The following MAPT variants were observed in gnomAD, a reference collection of about 807,000 sequenced individuals.
MAPT encodes the protein microtubule-associated protein tau.
Under a neutral mutation model 67.9 loss-of-function variants are expected in MAPT, and 34 were observed. The observed-to-expected ratio is 0.50, with a 90% CI of 0.38 to 0.67. MAPT has a LOEUF of 0.67. Ranked by LOEUF, MAPT falls within the 30% of genes least tolerant of loss-of-function variation. The pLI is 0.00. For synonymous variants in MAPT, 456 were observed against 464.5 expected (o/e 0.98, Z 0.23); for missense variants, 881 against 1,115.2 (o/e 0.79, Z 2.99).
At chr17:45,975,171 T>C (rs1288702650) in intron 3 of MAPT, 1 of 152,300 alleles carries the variant, frequency 6.6e-6, no homozygotes, top group Non-Finnish European at 1.5e-5. Flanking sequence ...CTTCATGTCT[T>C]CTTCACTGCA....
In MAPT at chr17:45,995,991, C is replaced by T. The variant is rs2074436561; in HGVS notation, c.1733-408C>T. On this transcript the variant is annotated intron_variant, in intron 8 of 12. Coordinates refer to ENST00000262410, the MANE Select transcript of MAPT (RefSeq NM_001377265.1). This position sits in a 1 kb window ranked among gnomAD's most constrained non-coding sequence, Gnocchi z 4.3. ...AAGCATATCTACCACCTCCTGGAGCCACGCTGGCCGCAGGGATTATAATTA... is the reference window on the plus strand; with the variant it reads ...AAGCATATCTACCACCTCCTGGAGCTACGCTGGCCGCAGGGATTATAATTA... Among the ~76,000 whole-genome samples, 2 of 152,170 alleles carry T rather than the reference C, an allele frequency of 1.3e-5. No homozygotes were observed. Among genetic ancestry groups the T allele is most frequent in the Admixed American group, 6.6e-5 (1 of 15,266 alleles).
intron 9 of MAPT, among the ~76,000 whole-genome samples, chr17:46,002,034 A>C (rs903878424): frequency 3.9e-5 from 6 of 152,252 alleles, no homozygotes; most frequent in Admixed American, 3.3e-4. Context: ...GGAGCTCTTC[A>C]GAGCAAAAGC....
intron 4 of MAPT, among the ~76,000 whole-genome samples, chr17:45,982,122 G>A (rs1158760918): frequency 3.3e-5 from 5 of 151,200 alleles, no homozygotes; most frequent in Non-Finnish European, 5.9e-5. Context: ...AGGAGATCAA[G>A]ACTATCCTGG....
intron 1 of MAPT, among the ~76,000 whole-genome samples, 180 bp from the exon 2 acceptor site, chr17:45,962,141 A>G (rs569555939): frequency 6.6e-6 from 1 of 152,262 alleles, no homozygotes; most frequent in African/African-American, 2.4e-5. Flanking sequence ...ATAGATGTAA[A>G]TAACGCTTGG....
intron 4 of MAPT, chr17:45,978,726 C>T (rs188832980): frequency 1.3e-4 from 59 of 450,306 alleles, no homozygotes; most frequent in Non-Finnish European, 1.7e-4. Flanking sequence ...AACTCTAGGC[C>T]GGGCCTGGTG....
rs551056544 is a variant in MAPT at position 45,996,921 on chromosome 17, G to A, written c.1998+257G>A. On this transcript the variant is annotated intron_variant, in intron 9 of 12. Coordinates refer to ENST00000262410, the MANE Select transcript of MAPT (RefSeq NM_001377265.1). The surrounding 1 kb of genome is among the most constrained non-coding windows in gnomAD (Gnocchi z 4.5). The stretch of plus-strand genomic sequence containing the variant: ...GAGTGCCCTCCTCAGGCGAGAGAAC[G>A]TTCTGGCTCTTCTCTTGCCCCTTCA... Among the ~76,000 whole-genome samples the A allele has an allele frequency of 2.0e-5, 3 of 152,318 alleles. No homozygotes were observed. The highest frequency in any genetic ancestry group is 1.9e-4 in the East Asian group (1 of 5,168).
intron 1 of MAPT, among the ~76,000 whole-genome samples, chr17:45,950,629 C>T (rs1354384932): frequency 1.3e-5 from 2 of 152,026 alleles, no homozygotes; most frequent in East Asian, 3.9e-4. Context: ...TCCATATTGT[C>T]TAGTTCCCAT....
rs2074053719 is a variant in MAPT at position 45,991,520 on chromosome 17, G to A, written c.1666G>A (p.Gly556Ser). ...PRGAAPPGQK[G>S]QANATRIPAK... ...GGGAGCAGCCCCTCCAGGCCAGAAG[G>A]GCCAGGCCAACGCCACCAGGATTCC... is the stretch of plus-strand genomic sequence containing the variant. The change falls in exon 8 of 13, where the codon GGC (glycine) becomes AGC (serine). Residue 556 changes from glycine to serine, a missense_variant. Gly to Ser is a moderately conservative substitution (Grantham distance 56, BLOSUM62 0). This residue lies in a region of MAPT where 687 missense variants were observed against 766.1 expected (regional missense o/e 0.90). Coordinates refer to ENST00000262410, the MANE Select transcript of MAPT (RefSeq NM_001377265.1). 2 of 1,614,174 alleles carry A rather than the reference G, an allele frequency of 1.2e-6. No homozygotes were observed. The highest frequency in any genetic ancestry group is 4.5e-5 in the East Asian group (2 of 44,878).
chr17:45,946,541 G>A (rs918241189), intron 1 of MAPT, among the ~76,000 whole-genome samples: 2 of 146,750 alleles, frequency 1.4e-5, no homozygotes, highest in African/African-American at 5.1e-5. Context: ...AGAGGTTGCA[G>A]TGAGCCGAGA....
At chr17:46,018,168 C>G (rs1403674876) in intron 11 of MAPT, among the ~76,000 whole-genome samples, 1 of 149,816 alleles carries the variant, frequency 6.7e-6, no homozygotes, top group Non-Finnish European at 1.5e-5. Context: ...AAAAAACAGA[C>G]TTTACTTACT....
chr17:46,015,117 G>A (rs1336089577), intron 11 of MAPT, among the ~76,000 whole-genome samples: 2 of 152,192 alleles, frequency 1.3e-5, no homozygotes, highest in South Asian at 2.1e-4. Context: ...AGTGGCTTAC[G>A]TCTGTAATCC....
At chr17:45,940,180 T>C (rs990671352) in intron 1 of MAPT, among the ~76,000 whole-genome samples, 1 of 152,218 alleles carries the variant, frequency 6.6e-6, no homozygotes, top group Non-Finnish European at 1.5e-5. Flanking sequence ...ACCTGCAATA[T>C]CAAATGCATG....
chr17:45,983,829 T>C lies in MAPT; in HGVS notation c.1250T>C (p.Leu417Ser), dbSNP rs2073258585. The change falls in exon 5 of 13, where the codon TTG becomes TCG. Residue 417 changes from leucine to serine, a missense_variant. Leu to Ser is a moderately radical substitution (Grantham distance 145). Around this residue, in one of 6 missense-constraint regions of MAPT, gnomAD observed 687 missense variants for 766.1 expected, o/e 0.90. Transcript: ENST00000262410. ...GGGCCAGAGGCCCGGGGCCCCTCTT[T>C]GGGAGAGGACACAAAAGAGGCTGAC... Reference protein sequence around the residue: ...GEGPEARGPSLGEDTKEADLP... With the variant: ...GEGPEARGPSSGEDTKEADLP... 1 of 1,612,484 alleles carries C rather than the reference T, an allele frequency of 6.2e-7. No homozygotes were observed. The highest frequency in any genetic ancestry group is 2.2e-5 in the East Asian group (1 of 44,882).
chr17:45,951,283 T>A (rs527395580), intron 1 of MAPT, among the ~76,000 whole-genome samples: 2 of 152,290 alleles, frequency 1.3e-5, no homozygotes, highest in South Asian at 4.1e-4. Context: ...TAGATAGAGG[T>A]GATAGTTGTA....
chr17:45,926,807 T>A (rs2066337833), intron 1 of MAPT, among the ~76,000 whole-genome samples: 1 of 151,960 alleles, frequency 6.6e-6, no homozygotes, highest in Admixed American at 6.6e-5. Flanking sequence ...GAAACATTAC[T>A]TCCCCCAGGA....
At chr17:45,975,731 A>G (rs919617067) in intron 3 of MAPT, 5 of 152,238 alleles carry the variant, frequency 3.3e-5, no homozygotes, top group African/African-American at 1.2e-4. Context: ...AAATAATTAG[A>G]ACAGCCAGTC....
In MAPT at chr17:45,897,237, G is replaced by C. The variant is rs2063313461; in HGVS notation, c.-18+2551G>C. The C allele has an allele frequency of 6.6e-6, 1 of 152,278 alleles. No homozygotes were observed. Among genetic ancestry groups the C allele is most frequent in the Non-Finnish European group, 1.5e-5 (1 of 68,074 alleles). 9.4% of individuals were successfully genotyped at this position (152,278 alleles called of 1,614,324 possible). ...GTCTCGGGGTGGCCCCGGAAAAGGGGAGCCCGCGGCCACGGCTACGTATTG... is the reference window on the plus strand; with the variant it reads ...GTCTCGGGGTGGCCCCGGAAAAGGGCAGCCCGCGGCCACGGCTACGTATTG... On this transcript the variant is annotated intron_variant, in intron 1 of 12. Coordinates refer to ENST00000262410, the MANE Select transcript of MAPT (RefSeq NM_001377265.1). The surrounding 1 kb of genome is among the most constrained non-coding windows in gnomAD (Gnocchi z 5.0).
rs368542796 is a variant in MAPT, at chr17:45,942,196, G to C, written c.-17-20125G>C. On this transcript the variant is annotated intron_variant, in intron 1 of 12. Transcript: ENST00000262410. ...CATATATACTCTAGTTTGTTTATTT[G>C]TTTGACTACACATATATGTATTCTT... Among the ~76,000 whole-genome samples, 6 of 152,286 alleles carry C rather than the reference G, an allele frequency of 3.9e-5. No homozygotes were observed. The South Asian group carries it at 1.2e-3, about 32-fold the overall frequency.
chr17:45,944,968 C>T (rs1405580761), intron 1 of MAPT, among the ~76,000 whole-genome samples: 3 of 152,252 alleles, frequency 2.0e-5, no homozygotes, highest in Admixed American at 1.3e-4. Context: ...ACTCTCTCCT[C>T]ACTCTCTCTG....
Sources: gnomAD v4.1 joint callset for allele counts (sites outside exome capture counted in the v4.1 genomes callset) on GRCh38, gnomAD v4.1.1 for gene constraint, gnomAD v4.1.1 regional missense constraint, Gnocchi (gnomAD v3.1) non-coding constraint, MANE v1.5 for transcripts, NCBI Gene and HGNC (gene_info 2026-07-23, HGNC 2026-07-21) for gene names.